The following MTMR6 variants were observed in gnomAD, a reference collection of about 807,000 sequenced individuals.
MTMR6 encodes the protein phosphatidylinositol-3,5-bisphosphate 3-phosphatase MTMR6.
Under a neutral mutation model 80.1 loss-of-function variants are expected in MTMR6, and 47 were observed. That is an observed-to-expected ratio of 0.59 (90% CI 0.46 to 0.75). MTMR6 has a LOEUF of 0.75. MTMR6 is among the 30% of genes least tolerant of loss of function. MTMR6 has a pLI of 0.00. For synonymous variants in MTMR6, 254 were observed against 253.0 expected, an observed-to-expected ratio of 1.00 and a Z score of -0.04; for missense variants, 629 against 730.9, an observed-to-expected ratio of 0.86 and a Z score of 1.61.
chr13:25,260,545 A>T, intron 6 of MTMR6: 1 of 1,152,260 alleles, frequency 8.7e-7, no homozygotes, highest in Non-Finnish European at 1.1e-6. Flanking sequence ...AAAGCTGCCT[A>T]AAAACCACTT....
At chr13:25,276,633 T>A (rs1043050625) in intron 1 of MTMR6, among the ~76,000 whole-genome samples, 3 of 152,196 alleles carry the variant, frequency 2.0e-5, no homozygotes, top group Non-Finnish European at 2.9e-5. Context: ...TCCTCTTCTG[T>A]CCATCCCCTG....
At chr13:25,278,216 C>T (rs530541465) in intron 1 of MTMR6, among the ~76,000 whole-genome samples, 189 of 152,328 alleles carry the variant, frequency 1.2e-3, no homozygotes, top group African/African-American at 3.9e-3. Flanking sequence ...TACCTTTAGG[C>T]TCTTTTCCCA....
At chr13:25,264,203 G>T (rs1489539604) in intron 5 of MTMR6, among the ~76,000 whole-genome samples, 1 of 150,366 alleles carries the variant, frequency 6.7e-6, no homozygotes, top group Non-Finnish European at 1.5e-5. Flanking sequence ...AAACACCACA[G>T]CAAAAAAAGG....
chr13:25,281,321 A>G, intron 1 of MTMR6, among the ~76,000 whole-genome samples: 1 of 151,916 alleles, frequency 6.6e-6, no homozygotes, highest in Non-Finnish European at 1.5e-5. Flanking sequence ...TAGGTGACAG[A>G]GCAAGATCTT....
chr13:25,287,472 G>A lies in MTMR6; in HGVS notation c.-225C>T, dbSNP rs185928039. ...CGGCCTCCCGGGGGACTCGGGGCAGGCAGACAGAGCGTGTGTGGACCGAGA... is the reference window on the plus strand; with the variant it reads ...CGGCCTCCCGGGGGACTCGGGGCAGACAGACAGAGCGTGTGTGGACCGAGA... On this transcript the variant is annotated 5_prime_UTR_variant, in exon 1 of 14. Transcript: ENST00000381801. The A allele has an allele frequency of 1.3e-5, 8 of 594,306 alleles. No homozygotes were observed. Among genetic ancestry groups the A allele is most frequent in the East Asian group, 5.8e-5 (2 of 34,292 alleles). The allele number at this position is 594,306 out of a possible 1,614,324, so 36.8% of individuals were successfully genotyped here.
chr13:25,271,831 G>A (rs938368114), intron 2 of MTMR6, among the ~76,000 whole-genome samples: 1 of 152,164 alleles, frequency 6.6e-6, no homozygotes, highest in African/African-American at 2.4e-5. Context: ...ATAAATGTGT[G>A]CTAAATGAAT....
intron 2 of MTMR6, among the ~76,000 whole-genome samples, chr13:25,269,753 G>A (rs1330592119): frequency 2.0e-5 from 3 of 151,868 alleles, no homozygotes; most frequent in Non-Finnish European, 4.4e-5. Flanking sequence ...ATCAAGAAAA[G>A]CTTGAAAAAC....
chr13:25,262,502 G>A (rs1957361612), intron 5 of MTMR6, among the ~76,000 whole-genome samples: 1 of 152,066 alleles, frequency 6.6e-6, no homozygotes. Context: ...AGGGTAGCTG[G>A]GACTACAGGA....
Position 25,248,774 on chromosome 13 carries a change from C to G in MTMR6, c.*458G>C, listed in dbSNP as rs968013778. On this transcript the variant is annotated 3_prime_UTR_variant, in exon 14 of 14. Transcript: ENST00000381801. Reference sequence around the variant, plus strand: ...TTTCTTAGAAATATTTTTCATGGCACTTTAACATTAAATATCACTAAAAGG... The same window carrying G: ...TTTCTTAGAAATATTTTTCATGGCAGTTTAACATTAAATATCACTAAAAGG... The G allele has an allele frequency of 6.5e-6, 1 of 153,018 alleles. No individual in the cohort carries two copies. The highest frequency in any genetic ancestry group is 2.4e-5 in the African/African-American group (1 of 41,428). 9.5% of individuals were successfully genotyped at this position (153,018 alleles called of 1,614,324 possible).
At chr13:25,268,153 T>C (rs1957497293) in intron 2 of MTMR6, among the ~76,000 whole-genome samples, 1 of 152,178 alleles carries the variant, frequency 6.6e-6, no homozygotes, top group Non-Finnish European at 1.5e-5. Context: ...CTCAAGACAT[T>C]ATCAGACCCT....
chr13:25,253,862 T>C lies in MTMR6; in HGVS notation c.1248A>G (p.Glu416=), dbSNP rs1957137454. The change falls in exon 11 of 14, where the codon GAA becomes GAG. Residue 416 remains glutamate, a synonymous_variant. Transcript: ENST00000381801. The part of the protein sequence containing the change: ...HLTEQFPQAF[E]FSEAFLLQIH... ...TCTGAAGAAGAAATGCTTCACTGAA[T>C]TCAAAGGCTTGTGGAAACTGTTCGG... 1.2e-6 allele frequency: 2 copies of C among 1,614,132 alleles called. No homozygotes were observed. The highest frequency in any genetic ancestry group is 1.7e-6 in the Non-Finnish European group (2 of 1,180,006).
chr13:25,273,159 T>C (rs1417356286), intron 2 of MTMR6, among the ~76,000 whole-genome samples: 1 of 152,086 alleles, frequency 6.6e-6, no homozygotes, highest in Non-Finnish European at 1.5e-5. Context: ...AATATCAATG[T>C]TGTTGAGGAT....
chr13:25,260,909 CTAAGTTAACTGTTTTCCT>C (rs1957321059), intron 6 of MTMR6, among the ~76,000 whole-genome samples: 1 of 152,102 alleles, frequency 6.6e-6, no homozygotes, highest in Admixed American at 6.5e-5. Flanking sequence ...TCAATGTTTC[CTAAGTTAACTGTTTTCCT>C]TATTTTCTTG....
At chr13:25,271,336 G>A (rs1216010823) in intron 2 of MTMR6, among the ~76,000 whole-genome samples, 2 of 152,124 alleles carry the variant, frequency 1.3e-5, no homozygotes, top group African/African-American at 4.8e-5. Flanking sequence ...TTGGCACCAT[G>A]TTCAGTCAGG....
chr13:25,282,846 T>C (rs952913396), intron 1 of MTMR6, among the ~76,000 whole-genome samples: 1 of 152,016 alleles, frequency 6.6e-6, no homozygotes, highest in Non-Finnish European at 1.5e-5. Flanking sequence ...CCTCAAGTGA[T>C]CCTACTGCCT....
intron 1 of MTMR6, among the ~76,000 whole-genome samples, chr13:25,280,504 T>C (rs1476678414): frequency 6.6e-6 from 1 of 152,214 alleles, no homozygotes; most frequent in Non-Finnish European, 1.5e-5. Flanking sequence ...GCTAAAATCA[T>C]TGGCATACAA....
intron 2 of MTMR6, 98 bp downstream of exon 2, chr13:25,273,973 C>A: frequency 1.2e-6 from 1 of 844,958 alleles, no homozygotes. Flanking sequence ...AGATAGGTAA[C>A]CAATGATTAA....
chr13:25,276,707 A>G (rs1957736307), intron 1 of MTMR6, among the ~76,000 whole-genome samples: 1 of 152,128 alleles, frequency 6.6e-6, no homozygotes, highest in Non-Finnish European at 1.5e-5. Flanking sequence ...TCATTATGTT[A>G]GCCTATATTT....
intron 13 of MTMR6, among the ~76,000 whole-genome samples, chr13:25,250,037 G>T (rs796746008): frequency 2.6e-5 from 4 of 152,184 alleles, no homozygotes; most frequent in African/African-American, 9.6e-5. Context: ...GGACTGTCCC[G>T]ATAATCTTGT....
Sources: allele counts gnomAD v4.1 joint callset (sites outside exome capture counted in the v4.1 genomes callset), GRCh38; gene constraint gnomAD v4.1.1; transcripts MANE v1.5; gene names NCBI Gene and HGNC (gene_info 2026-07-23, HGNC 2026-07-21).